The following RASGRF2 variants were observed in gnomAD, a reference collection of about 807,000 sequenced individuals.
The protein encoded by RASGRF2 is ras-specific guanine nucleotide-releasing factor 2.
Under a neutral mutation model 151.0 loss-of-function variants are expected in RASGRF2, and 76 were observed. The observed-to-expected ratio is 0.50, with a 90% CI of 0.42 to 0.61. RASGRF2 has a LOEUF of 0.61. Ranked by LOEUF, RASGRF2 falls within the 20% of genes least tolerant of loss-of-function variation. The pLI, the probability that RASGRF2 is intolerant of heterozygous loss-of-function variation, is 0.00. For missense variants in RASGRF2, 1,148 were observed against 1,564.6 expected, an observed-to-expected ratio of 0.73 and a Z score of 4.49; for synonymous variants, 504 against 566.5, an observed-to-expected ratio of 0.89 and a Z score of 1.57.
chr5:80,966,311 G>A (rs1747720828), intron 1 of RASGRF2, among the ~76,000 whole-genome samples: 1 of 152,020 alleles, frequency 6.6e-6, no homozygotes. Flanking sequence ...GAATGATTCT[G>A]TTAAATTACT....
Position 81,201,353 on chromosome 5 carries a change from A to G in RASGRF2, c.2817A>G (p.Leu939=), listed in dbSNP as rs1755389846. The G allele has an allele frequency of 6.2e-7, 1 of 1,612,862 alleles. No individual in the cohort carries two copies. The highest frequency in any genetic ancestry group is 1.1e-5 in the South Asian group (1 of 90,958). Residue 939 remains leucine, a synonymous_variant, in exon 19 of 27, where the codon CTA becomes CTG. Transcript: ENST00000265080. ...HAQDFELNNE[L]KMNVLNLLEE... The stretch of plus-strand genomic sequence containing the variant: ...AGGATTTCGAACTCAACAATGAACT[A>G]AAGATGAATGTCCTAAATTTGCTAG...
At chr5:81,196,449 G>A (rs1377881422) in intron 18 of RASGRF2, among the ~76,000 whole-genome samples, 1 of 152,142 alleles carries the variant, frequency 6.6e-6, no homozygotes, top group African/African-American at 2.4e-5. Context: ...ATTCAACTGC[G>A]ACCATTTGTC....
Position 81,207,232 on chromosome 5 carries a change from C to T in RASGRF2, c.2968-14C>T, listed in dbSNP as rs377075676. On this transcript the variant is annotated splice_polypyrimidine_tract_variant and intron_variant, in intron 20 of 26. Transcript: ENST00000265080. ...TCTCCTGGGTGTTTCATTTCCCTCCCTCATCTCTTGCAGACTGACTGCATG... is the reference window on the plus strand; with the variant it reads ...TCTCCTGGGTGTTTCATTTCCCTCCTTCATCTCTTGCAGACTGACTGCATG... 4 of 1,612,984 alleles carry T rather than the reference C, an allele frequency of 2.5e-6. No homozygotes were observed. Among genetic ancestry groups the T allele is most frequent in the Middle Eastern group, 3.3e-4 (2 of 6,060 alleles).
intron 1 of RASGRF2, among the ~76,000 whole-genome samples, chr5:81,029,851 C>A (rs1156685879): frequency 6.6e-6 from 1 of 152,204 alleles, no homozygotes; most frequent in Non-Finnish European, 1.5e-5. Flanking sequence ...TAACAAACTT[C>A]TCCGAGCTAA....
intron 25 of RASGRF2, among the ~76,000 whole-genome samples, chr5:81,219,504 A>G (rs1363918174): frequency 1.3e-5 from 2 of 152,150 alleles, no homozygotes; most frequent in African/African-American, 4.8e-5. Context: ...TGAATTCAGT[A>G]TCTTTTTGCT....
intron 1 of RASGRF2, among the ~76,000 whole-genome samples, chr5:80,975,618 CAAAAG>C (rs1223073099): frequency 6.6e-6 from 1 of 151,878 alleles, no homozygotes; most frequent in Non-Finnish European, 1.5e-5. Flanking sequence ...TACATTTGAA[CAAAAG>C]AAAAGAAAAA....
intron 1 of RASGRF2, among the ~76,000 whole-genome samples, chr5:80,971,798 G>T (rs1018805944): frequency 1.3e-5 from 2 of 151,978 alleles, no homozygotes; most frequent in African/African-American, 4.8e-5. Context: ...TCAACCGCCT[G>T]GGCTCAAGCA....
intron 1 of RASGRF2, among the ~76,000 whole-genome samples, chr5:81,005,233 A>T (rs542098805): frequency 2.6e-5 from 4 of 152,150 alleles, no homozygotes; most frequent in Non-Finnish European, 4.4e-5. Context: ...TAGTTGACTC[A>T]CAGTTCACCA....
chr5:81,185,428 G>A (rs1465132402), intron 18 of RASGRF2, among the ~76,000 whole-genome samples: 1 of 152,220 alleles, frequency 6.6e-6, no homozygotes, highest in African/African-American at 2.4e-5. Context: ...AGGACGGCCT[G>A]GAGGGGTGAC....
chr5:80,985,225 A>G (rs1402886642), intron 1 of RASGRF2, among the ~76,000 whole-genome samples: 1 of 152,184 alleles, frequency 6.6e-6, no homozygotes, highest in Non-Finnish European at 1.5e-5. Context: ...AACAATAACA[A>G]CAACAAAAAC....
Position 81,068,036 on chromosome 5 carries a change from G to A in RASGRF2, c.400G>A (p.Ala134Thr). The A allele has an allele frequency of 1.2e-6, 2 of 1,601,378 alleles. No individual in the cohort carries two copies. Among genetic ancestry groups the A allele is most frequent in the Non-Finnish European group, 1.7e-6 (2 of 1,172,686 alleles). Reference protein sequence around the residue: ...WMEAIHQASYADILIEREVLM... With the variant: ...WMEAIHQASYTDILIEREVLM... ...ACTGTGTAATTTTCTCTCAAGTTATGCAGACATTTTGATTGAGAGGGAAGT... is the reference window on the plus strand; with the variant it reads ...ACTGTGTAATTTTCTCTCAAGTTATACAGACATTTTGATTGAGAGGGAAGT... The change falls in exon 3 of 27, where the codon GCA becomes ACA. Residue 134 changes from alanine (A) to threonine (T), a missense_variant. Transcript: ENST00000265080.
At chr5:81,024,636 G>A (rs1432284470) in intron 1 of RASGRF2, among the ~76,000 whole-genome samples, 1 of 152,172 alleles carries the variant, frequency 6.6e-6, no homozygotes, top group African/African-American at 2.4e-5. Context: ...GAATAAGCAG[G>A]ACTGTGGTAG....
chr5:81,041,464 T>G (rs1750676946), intron 1 of RASGRF2, among the ~76,000 whole-genome samples: 1 of 152,214 alleles, frequency 6.6e-6, no homozygotes, highest in Non-Finnish European at 1.5e-5. Context: ...CATATATATT[T>G]CTGCATATTT....
intron 1 of RASGRF2, among the ~76,000 whole-genome samples, chr5:80,979,243 A>G (rs1748224318): frequency 6.6e-6 from 1 of 152,228 alleles, no homozygotes; most frequent in African/African-American, 2.4e-5. Flanking sequence ...TAATTGAAAA[A>G]ATTCAACATA....
intron 23 of RASGRF2, among the ~76,000 whole-genome samples, chr5:81,215,366 G>A (rs533634408): frequency 6.6e-6 from 1 of 151,468 alleles, no homozygotes; most frequent in East Asian, 1.9e-4. Context: ...CGCCTCCCGG[G>A]TTCAAGTGAT....
chr5:81,075,173 G>A (rs540811460), intron 5 of RASGRF2, among the ~76,000 whole-genome samples: 4 of 152,352 alleles, frequency 2.6e-5, no homozygotes, highest in Admixed American at 6.5e-5. Flanking sequence ...AATGGAGGCA[G>A]TATAAGTAGT....
chr5:80,964,301 T>C (rs1221184921), intron 1 of RASGRF2, among the ~76,000 whole-genome samples: 1 of 152,206 alleles, frequency 6.6e-6, no homozygotes. Context: ...AGGTGTCCGA[T>C]GGCACTTCTT....
At chr5:81,180,706 G>A (rs1754896659) in intron 18 of RASGRF2, among the ~76,000 whole-genome samples, 1 of 136,992 alleles carries the variant, frequency 7.3e-6, no homozygotes, top group African/African-American at 2.8e-5. Flanking sequence ...AAACCTCACG[G>A]TCCCCCCTGG....
chr5:81,046,232 G>A (rs1750832710), intron 2 of RASGRF2, among the ~76,000 whole-genome samples: 2 of 152,052 alleles, frequency 1.3e-5, no homozygotes, highest in Non-Finnish European at 2.9e-5. Flanking sequence ...GTACCAGCCT[G>A]GGTGTGCTGT....
Sources: gnomAD v4.1 joint callset for allele counts (sites outside exome capture counted in the v4.1 genomes callset) on GRCh38, gnomAD v4.1.1 for gene constraint, MANE v1.5 for transcripts, NCBI Gene and HGNC (gene_info 2026-07-23, HGNC 2026-07-21) for gene names.